CPNE4: variants seen among roughly 807,000 people sequenced by gnomAD.
CPNE4 encodes the protein copine 4.
Under a neutral mutation model 67.9 loss-of-function variants are expected in CPNE4, and 25 were observed. The observed-to-expected ratio is 0.37, with a 90% CI of 0.27 to 0.51. The LOEUF (loss-of-function observed/expected upper bound fraction) is 0.51. Ranked by LOEUF, CPNE4 falls within the 20% of genes least tolerant of loss-of-function variation. The pLI is 0.93. For missense variants in CPNE4, 464 were observed against 690.8 expected, an observed-to-expected ratio of 0.67 and a Z score of 3.68; for synonymous variants, 242 against 244.9, an observed-to-expected ratio of 0.99 and a Z score of 0.11.
chr3:131,806,565 A>G (rs1046324624), intron 2 of CPNE4, among the ~76,000 whole-genome samples: 1 of 152,002 alleles, frequency 6.6e-6, no homozygotes. Context: ...AAAAAAAAAA[A>G]AAAAGAAATA....
intron 1 of CPNE4, among the ~76,000 whole-genome samples, chr3:131,936,226 T>A (rs141278193): frequency 1.3e-5 from 2 of 151,890 alleles, no homozygotes; most frequent in African/African-American, 2.4e-5. Flanking sequence ...CAAAAGCAGC[T>A]CAGAGCAAGC....
At chr3:131,542,929 A>T (rs72997269) in intron 14 of CPNE4, 136 bp from the exon 15 acceptor site, 19 of 638,084 alleles carry the variant, frequency 3.0e-5, no homozygotes, top group Non-Finnish European at 5.3e-5. Flanking sequence ...CATTTTTTGA[A>T]TGTGCTGATA....
intron 14 of CPNE4, among the ~76,000 whole-genome samples, chr3:131,546,497 A>C (rs775182771): frequency 6.6e-6 from 1 of 152,180 alleles, no homozygotes; most frequent in Non-Finnish European, 1.5e-5. Flanking sequence ...CTTAGAGATA[A>C]CAAGGGACTC....
chr3:131,837,092 T>C (rs1244888302), intron 2 of CPNE4, among the ~76,000 whole-genome samples: 1 of 152,180 alleles, frequency 6.6e-6, no homozygotes, highest in African/African-American at 2.4e-5. Flanking sequence ...GCTGATGAGA[T>C]AGCAGAACAA....
intron 2 of CPNE4, among the ~76,000 whole-genome samples, chr3:131,833,794 A>T (rs1468395904): frequency 6.6e-6 from 1 of 152,208 alleles, no homozygotes; most frequent in African/African-American, 2.4e-5. Flanking sequence ...CTCATCAAGA[A>T]CATCTCACAT....
chr3:131,969,789 C>G (rs2072455323), intron 1 of CPNE4, among the ~76,000 whole-genome samples: 2 of 152,122 alleles, frequency 1.3e-5, no homozygotes, highest in South Asian at 4.1e-4. Flanking sequence ...AGCATCATGT[C>G]AAATAAAACA....
intron 1 of CPNE4, among the ~76,000 whole-genome samples, chr3:131,999,405 T>C (rs575633589): frequency 1.3e-5 from 2 of 151,998 alleles, no homozygotes; most frequent in Admixed American, 6.6e-5. Context: ...TGCAGTAACA[T>C]AGATGAATCT....
chr3:131,696,090 A>C (rs1158247117), intron 5 of CPNE4, among the ~76,000 whole-genome samples: 4 of 151,188 alleles, frequency 2.6e-5, no homozygotes, highest in Admixed American at 2.0e-4. Context: ...AGAGTGAACC[A>C]GTGAATGCAT....
At chr3:131,928,453 C>A (rs1409438551) in intron 1 of CPNE4, among the ~76,000 whole-genome samples, 2 of 152,162 alleles carry the variant, frequency 1.3e-5, no homozygotes, top group African/African-American at 4.8e-5. Flanking sequence ...AAGGAGCAAG[C>A]CTTTCAAGCC....
At chr3:131,907,157 A>G (rs1013416438) in intron 1 of CPNE4, among the ~76,000 whole-genome samples, 1 of 152,162 alleles carries the variant, frequency 6.6e-6, no homozygotes, top group African/African-American at 2.4e-5. Flanking sequence ...CCAGAGCCCC[A>G]GTGATCCACC....
intron 2 of CPNE4, among the ~76,000 whole-genome samples, chr3:131,731,558 C>T (rs891984734): frequency 1.3e-5 from 2 of 152,002 alleles, no homozygotes; most frequent in African/African-American, 4.8e-5. Context: ...GTGTGAGTGT[C>T]CAGTTTGTGA....
chr3:131,923,853 C>A lies in CPNE4; in HGVS notation c.-1-18409G>T, dbSNP rs528208940. On this transcript the variant is annotated intron_variant, in intron 1 of 15. Coordinates refer to ENST00000429747, the MANE Select transcript of CPNE4 (RefSeq NM_130808.3). ...GGCCCTAAGTAAAATGACTCCCATACCACCCCAAGGTTTTCTTTCTAATCC... is the reference window on the plus strand; with the variant it reads ...GGCCCTAAGTAAAATGACTCCCATAACACCCCAAGGTTTTCTTTCTAATCC... Among the ~76,000 whole-genome samples, 340 of 151,932 alleles carry A rather than the reference C, an allele frequency of 2.2e-3. 1 individual carries two copies. The highest frequency in any genetic ancestry group is 7.9e-3 in the African/African-American group (326 of 41,460).
At chr3:131,830,512 C>T (rs1460876523) in intron 2 of CPNE4, among the ~76,000 whole-genome samples, 1 of 152,048 alleles carries the variant, frequency 6.6e-6, no homozygotes, top group Non-Finnish European at 1.5e-5. Context: ...TGAACTTCTC[C>T]CTTGGGACTG....
chr3:131,549,559 A>G (rs568924431), intron 14 of CPNE4, among the ~76,000 whole-genome samples: 5 of 152,272 alleles, frequency 3.3e-5, no homozygotes, highest in African/African-American at 1.2e-4. Context: ...TTTTACTTCC[A>G]TGGTGCTTTG....
In CPNE4 at chr3:131,533,811, C is replaced by T. The variant is rs1044789094; in HGVS notation, c.*1384G>A. ...GTGATTTACTTCTTCATCTCTCTGA[C>T]CAAAAATAAACTCCACTTTGTGCCT... On this transcript the variant is annotated 3_prime_UTR_variant, in exon 16 of 16. Transcript: ENST00000429747. 2.0e-4 allele frequency: 31 copies of T among 152,144 alleles called. No individual in the cohort carries two copies. Among genetic ancestry groups the T allele is most frequent in the African/African-American group, 7.5e-4 (31 of 41,442 alleles). The allele number at this position is 152,144 out of a possible 1,614,324, so 9.4% of individuals were successfully genotyped here.
At chr3:131,745,521 A>AT (rs929729061) in intron 2 of CPNE4, among the ~76,000 whole-genome samples, 33 of 151,796 alleles carry the variant, frequency 2.2e-4, no homozygotes, top group African/African-American at 8.0e-4. Context: ...ATTTCCTCCT[A>AT]TTTTTTTCTG....
chr3:131,628,865 G>A (rs1315076775), intron 7 of CPNE4, among the ~76,000 whole-genome samples: 4 of 137,006 alleles, frequency 2.9e-5, no homozygotes, highest in Non-Finnish European at 4.5e-5. Flanking sequence ...TGGATTCATT[G>A]ATTTTTTGAA....
chr3:131,713,193 C>T (rs1343868587), intron 3 of CPNE4, among the ~76,000 whole-genome samples: 1 of 152,086 alleles, frequency 6.6e-6, no homozygotes, highest in African/African-American at 2.4e-5. Flanking sequence ...CTCTTGCCCT[C>T]CTCTGCACCA....
intron 1 of CPNE4, among the ~76,000 whole-genome samples, chr3:131,927,198 C>G (rs1006025932): frequency 6.6e-6 from 1 of 152,004 alleles, no homozygotes; most frequent in African/African-American, 2.4e-5. Flanking sequence ...TTTGTTTTCT[C>G]GTTTGTTTTT....
Sources: allele counts gnomAD v4.1 joint callset (sites outside exome capture counted in the v4.1 genomes callset), GRCh38; gene constraint gnomAD v4.1.1; transcripts MANE v1.5; gene names NCBI Gene and HGNC (gene_info 2026-07-23, HGNC 2026-07-21).